Variants in DPYD observed in about 807,000 individuals in gnomAD.
The protein encoded by DPYD is dihydropyrimidine dehydrogenase.
DPYD carries 109 observed loss-of-function variants against 116.2 expected under a neutral mutation model. That is an observed-to-expected ratio of 0.94 (90% CI 0.80 to 1.10). The LOEUF (loss-of-function observed/expected upper bound fraction) is 1.10, where lower values mean the gene tolerates loss of function less well. Among genes scored for constraint, DPYD ranks in the 50% least tolerant of loss-of-function variants. The pLI, the probability that DPYD is intolerant of heterozygous loss-of-function variation, is 0.00. For missense variants in DPYD, 1,302 were observed against 1,254.5 expected, an observed-to-expected ratio of 1.04 and a Z score of -0.57; for synonymous variants, 440 against 432.0, an observed-to-expected ratio of 1.02 and a Z score of -0.23.
In DPYD at chr1:97,880,835, T is replaced by C. The variant is rs4385755; in HGVS notation, c.150+2429A>G. Among the ~76,000 whole-genome samples the C allele has an allele frequency of 4.0e-3, 607 of 152,096 alleles. 8 individuals carry two copies. Among genetic ancestry groups the C allele is most frequent in the African/African-American group, 0.014 (582 of 41,554 alleles). On this transcript the variant is annotated intron_variant, in intron 2 of 22. Transcript: ENST00000370192. The stretch of plus-strand genomic sequence containing the variant: ...AAATCCTTTTTCCATGTAATGCAGA[T>C]AGAATTTATCCAGATTATTATTTCA...
At chr1:97,406,179 T>G (rs1314423906) in intron 14 of DPYD, among the ~76,000 whole-genome samples, 1 of 152,006 alleles carries the variant, frequency 6.6e-6, no homozygotes, top group Non-Finnish European at 1.5e-5. Flanking sequence ...TCCCTATATT[T>G]GCCTGTCTAT....
At chr1:97,269,491 C>T (rs949661916) in intron 18 of DPYD, among the ~76,000 whole-genome samples, 1 of 152,174 alleles carries the variant, frequency 6.6e-6, no homozygotes, top group Non-Finnish European at 1.5e-5. Context: ...CTTCTCGGTA[C>T]CAATTTCCTG....
chr1:97,527,431 C>A (rs1649229655), intron 12 of DPYD, among the ~76,000 whole-genome samples: 2 of 152,086 alleles, frequency 1.3e-5, no homozygotes, highest in Non-Finnish European at 1.5e-5. Context: ...GTCCTCAAAA[C>A]AAGAAACTAA....
At chr1:97,105,457 C>T (rs1246285451) in intron 20 of DPYD, among the ~76,000 whole-genome samples, 1 of 152,110 alleles carries the variant, frequency 6.6e-6, no homozygotes, top group Non-Finnish European at 1.5e-5. Context: ...ACATCTGCTA[C>T]ACACTTACAT....
intron 20 of DPYD, among the ~76,000 whole-genome samples, chr1:97,106,124 G>T (rs1050862674): frequency 6.6e-6 from 1 of 151,898 alleles, no homozygotes; most frequent in African/African-American, 2.4e-5. Flanking sequence ...GGATGATGGC[G>T]GTAGCAAAAA....
intron 8 of DPYD, among the ~76,000 whole-genome samples, chr1:97,610,535 T>A (rs1655875972): frequency 6.6e-6 from 1 of 151,982 alleles, no homozygotes; most frequent in Non-Finnish European, 1.5e-5. Flanking sequence ...AAACTATCAT[T>A]CCTCCTCATT....
At chr1:97,375,738 C>T (rs1243527596) in intron 15 of DPYD, among the ~76,000 whole-genome samples, 1 of 152,168 alleles carries the variant, frequency 6.6e-6, no homozygotes, top group Non-Finnish European at 1.5e-5. Flanking sequence ...TGTCTCAAAA[C>T]CATGTCATGC....
chr1:97,646,438 G>A (rs746031939), intron 8 of DPYD, among the ~76,000 whole-genome samples: 16 of 150,848 alleles, frequency 1.1e-4, no homozygotes, highest in Non-Finnish European at 2.2e-4. Flanking sequence ...TTGTTTGAAC[G>A]CACATCTTCT....
At chr1:97,582,844 TTG>T (rs1653789681) in intron 10 of DPYD, among the ~76,000 whole-genome samples, 1 of 152,234 alleles carries the variant, frequency 6.6e-6, no homozygotes. Flanking sequence ...ACTAATTTTA[TTG>T]TGTCACTATT....
chr1:97,292,057 T>G (rs1002208291), intron 18 of DPYD, among the ~76,000 whole-genome samples: 2 of 152,152 alleles, frequency 1.3e-5, no homozygotes, highest in African/African-American at 4.8e-5. Context: ...GGACTAAAGT[T>G]GCATGTATCA....
At chr1:97,718,941 A>G (rs961409327) in intron 5 of DPYD, among the ~76,000 whole-genome samples, 1 of 151,772 alleles carries the variant, frequency 6.6e-6, no homozygotes, top group African/African-American at 2.4e-5. Flanking sequence ...AATCTATACT[A>G]AACTATTATT....
chr1:97,394,265 T>TGAC (rs1672890042), intron 14 of DPYD: 1 of 152,144 alleles, frequency 6.6e-6, no homozygotes. Context: ...TGACGGTAGT[T>TGAC]TCTTTTGCTG....
chr1:97,378,038 G>A (rs1465564031), intron 15 of DPYD, among the ~76,000 whole-genome samples: 1 of 152,200 alleles, frequency 6.6e-6, no homozygotes, highest in Admixed American at 6.5e-5. Flanking sequence ...ATGAATACAT[G>A]GGGTCAGATG....
rs566181493 is a variant in DPYD at position 97,377,906 on chromosome 1, A to C, written c.1975-4262T>G. Among the ~76,000 whole-genome samples, 10 of 152,334 alleles carry C rather than the reference A, an allele frequency of 6.6e-5. No individual in the cohort carries two copies. The East Asian group carries it at 1.9e-3, about 29-fold the overall frequency. ...ATATCACGGTCCAAGTGGGAAGGGA[A>C]GACGTCCGTGGGTGATAAGGTCTGG... On this transcript the variant is annotated intron_variant, in intron 15 of 22. Coordinates refer to ENST00000370192, the MANE Select transcript of DPYD (RefSeq NM_000110.4).
chr1:97,207,840 G>T (rs1460419493), intron 19 of DPYD, among the ~76,000 whole-genome samples: 1 of 151,962 alleles, frequency 6.6e-6, no homozygotes, highest in Non-Finnish European at 1.5e-5. Flanking sequence ...AGCATTCTTG[G>T]GTCAGGACTA....
At chr1:97,580,574 T>C (rs540670069) in intron 10 of DPYD, among the ~76,000 whole-genome samples, 2 of 152,338 alleles carry the variant, frequency 1.3e-5, no homozygotes, top group East Asian at 3.9e-4. Context: ...TAATAATGTA[T>C]GACAAACATT....
chr1:97,297,545 GC>G (rs1299280617), intron 18 of DPYD, among the ~76,000 whole-genome samples: 8 of 152,122 alleles, frequency 5.3e-5, no homozygotes, highest in Non-Finnish European at 1.2e-4. Flanking sequence ...GTGTAACAGT[GC>G]TAACAGCAGG....
intron 20 of DPYD, among the ~76,000 whole-genome samples, chr1:97,171,838 T>C (rs1656743376): frequency 2.0e-5 from 3 of 152,184 alleles, no homozygotes; most frequent in South Asian, 2.1e-4. Flanking sequence ...CATACATCAT[T>C]GCATGGAAAA....
At chr1:97,817,100 C>T (rs1235246132) in intron 3 of DPYD, among the ~76,000 whole-genome samples, 1 of 152,078 alleles carries the variant, frequency 6.6e-6, no homozygotes. Flanking sequence ...TATTGGAACA[C>T]AGCCACATCA....
Sources: gnomAD v4.1 joint callset for allele counts (sites outside exome capture counted in the v4.1 genomes callset) on GRCh38, gnomAD v4.1.1 for gene constraint, MANE v1.5 for transcripts, NCBI Gene and HGNC (gene_info 2026-07-23, HGNC 2026-07-21) for gene names.